Variants in RICTOR observed in about 807,000 individuals in gnomAD.
The protein encoded by RICTOR is RPTOR independent companion of MTOR complex 2, also known as rapamycin-insensitive companion of mTOR.
In RICTOR, 49 loss-of-function variants were observed where a neutral mutation model predicts 214.9. The observed-to-expected ratio is 0.23, with a 90% CI of 0.18 to 0.29. RICTOR has a LOEUF of 0.29. Ranked by LOEUF, RICTOR falls within the 10% of genes least tolerant of loss-of-function variation. The pLI, the probability that RICTOR is intolerant of heterozygous loss-of-function variation, is 1.00. For missense variants in RICTOR, 1,625 were observed against 2,047.0 expected (o/e 0.79, Z 3.98); for synonymous variants, 717 against 711.3 (o/e 1.01, Z -0.13).
At chr5:39,030,122 A>G (rs1310802303) in intron 2 of RICTOR, among the ~76,000 whole-genome samples, 1 of 152,160 alleles carries the variant, frequency 6.6e-6, no homozygotes, top group East Asian at 1.9e-4. Flanking sequence ...ACTAGAAATT[A>G]TGACCCTCTT....
rs1046542840 is a variant in RICTOR at position 38,939,190 on chromosome 5, C to T, written c.*3114G>A. 2.6e-5 allele frequency: 6 copies of T among 232,744 alleles called. No individual in the cohort carries two copies. The highest frequency in any genetic ancestry group is 1.3e-4 in the African/African-American group (6 of 45,254). 14.4% of individuals were successfully genotyped at this position (232,744 alleles called of 1,614,324 possible). Reference sequence around the variant, plus strand: ...ATGGAATAACATTTTATATAAATAGCAGTAGGAAAATGTAAATAAGCATTG... The same window carrying T: ...ATGGAATAACATTTTATATAAATAGTAGTAGGAAAATGTAAATAAGCATTG... On this transcript the variant is annotated 3_prime_UTR_variant, in exon 38 of 38. Coordinates refer to ENST00000357387, the MANE Select transcript of RICTOR (RefSeq NM_152756.5).
At chr5:38,967,020 C>T (rs1030138734) in intron 14 of RICTOR, 141 bp downstream of exon 14, 32 of 716,000 alleles carry the variant, frequency 4.5e-5, no homozygotes, top group Non-Finnish European at 7.2e-5. Flanking sequence ...AGGCTGGTCT[C>T]GAACTCCTGG....
At chr5:39,005,009 G>A (rs528769400) in intron 3 of RICTOR, among the ~76,000 whole-genome samples, 10 of 152,206 alleles carry the variant, frequency 6.6e-5, no homozygotes, top group East Asian at 5.8e-4. Context: ...TCAAACTCCC[G>A]ACCTCAGGTG....
At chr5:39,032,215 T>C (rs1487751545) in intron 2 of RICTOR, among the ~76,000 whole-genome samples, 2 of 152,198 alleles carry the variant, frequency 1.3e-5, no homozygotes, top group Non-Finnish European at 2.9e-5. Flanking sequence ...GTAATTTTTG[T>C]CTATTTGTTC....
intron 27 of RICTOR, 123 bp downstream of exon 27, chr5:38,954,651 C>A: frequency 1.6e-6 from 1 of 620,756 alleles, no homozygotes; most frequent in Non-Finnish European, 2.9e-6. Context: ...AATTTAAAAG[C>A]AATTACACCA....
chr5:39,004,233 T>C (rs1180489248), intron 3 of RICTOR, among the ~76,000 whole-genome samples: 1 of 152,162 alleles, frequency 6.6e-6, no homozygotes, highest in African/African-American at 2.4e-5. Flanking sequence ...GTTAGTGTTT[T>C]AATTTTAGAC....
chr5:38,996,215 T>C (rs76238086), intron 6 of RICTOR, among the ~76,000 whole-genome samples: 1 of 152,344 alleles, frequency 6.6e-6, no homozygotes, highest in Non-Finnish European at 1.5e-5. Flanking sequence ...CCCAACCATA[T>C]TTACTCTCAG....
chr5:38,955,563 A>G, intron 26 of RICTOR, 32 bp downstream of exon 26: 1 of 1,069,610 alleles, frequency 9.3e-7, no homozygotes, highest in Non-Finnish European at 1.4e-6. Flanking sequence ...TTTATGATGA[A>G]CTAGTTTTAA....
chr5:38,950,542 A>G lies in RICTOR; in HGVS notation c.3306T>C (p.Leu1102=). The G allele has an allele frequency of 1.2e-6, 2 of 1,613,278 alleles. No homozygotes were observed. The highest frequency in any genetic ancestry group is 8.5e-7 in the Non-Finnish European group (1 of 1,179,516). The change falls in exon 31 of 38, where the codon CTT becomes CTC. Residue 1102 remains leucine, a synonymous_variant. Transcript: ENST00000357387. ...TACGATGTTTTTTGTTAGGCAAAGT[A>G]AGCGAATTTAAGATACGATTCTTCA... ...KLVKNRILNS[L]TLPNKKHRSS...
chr5:39,016,077 A>C (rs577553906), intron 3 of RICTOR, among the ~76,000 whole-genome samples: 1 of 152,202 alleles, frequency 6.6e-6, no homozygotes, highest in Non-Finnish European at 1.5e-5. Context: ...GGGCGTACTC[A>C]CTCTTAGAAT....
chr5:39,018,121 T>C (rs1755103780), intron 3 of RICTOR, among the ~76,000 whole-genome samples: 2 of 152,116 alleles, frequency 1.3e-5, no homozygotes, highest in African/African-American at 4.8e-5. Flanking sequence ...AGCAGGCATT[T>C]TAGTGTTTGC....
In RICTOR at chr5:39,021,030, GTTAC is replaced by G; in HGVS notation, c.195+5_195+8del. ...ATTTTAGACAATAATAAAAATTCAA[GTTAC>G]TTACCTTAGTAAAGTTATTCAGATG... On this transcript the variant is annotated splice_donor_5th_base_variant and intron_variant, in intron 3 of 37. Coordinates refer to ENST00000357387, the MANE Select transcript of RICTOR (RefSeq NM_152756.5). 7.5e-7 allele frequency: 1 copy of G among 1,329,286 alleles called. No individual in the cohort carries two copies. Among genetic ancestry groups the G allele is most frequent in the South Asian group, 1.2e-5 (1 of 85,358 alleles). The allele number at this position is 1,329,286 out of a possible 1,614,324, so 82.3% of individuals were successfully genotyped here.
intron 34 of RICTOR, 41 bp from the exon 35 acceptor site, chr5:38,945,109 G>A (rs75476190): frequency 8.6e-6 from 12 of 1,391,488 alleles, no homozygotes; most frequent in Admixed American, 1.9e-5. Context: ...GCACCATAAC[G>A]GCTTAATTCC....
At chr5:39,062,442 G>A (rs1320655953) in intron 2 of RICTOR, among the ~76,000 whole-genome samples, 1 of 151,892 alleles carries the variant, frequency 6.6e-6, no homozygotes, top group Non-Finnish European at 1.5e-5. Flanking sequence ...TGAGGGAGGG[G>A]AGTGGTGGTG....
At chr5:38,964,046 T>C (rs1437643639) in intron 16 of RICTOR, among the ~76,000 whole-genome samples, 4 of 151,938 alleles carry the variant, frequency 2.6e-5, no homozygotes, top group South Asian at 4.1e-4. Context: ...CAAAAATACA[T>C]AGTTTTGAAT....
intron 2 of RICTOR, among the ~76,000 whole-genome samples, chr5:39,060,180 A>C (rs1758448328): frequency 6.6e-6 from 1 of 152,124 alleles, no homozygotes; most frequent in South Asian, 2.1e-4. Flanking sequence ...ACCTACTCTG[A>C]ACTATGCTAT....
At chr5:39,051,062 C>A (rs1056362233) in intron 2 of RICTOR, among the ~76,000 whole-genome samples, 1 of 151,456 alleles carries the variant, frequency 6.6e-6, no homozygotes, top group Non-Finnish European at 1.5e-5. Context: ...CACACACACA[C>A]ACGCACCTAC....
chr5:39,015,106 A>G (rs1341443829), intron 3 of RICTOR, among the ~76,000 whole-genome samples: 1 of 152,172 alleles, frequency 6.6e-6, no homozygotes, highest in Non-Finnish European at 1.5e-5. Flanking sequence ...AGCAACCCAC[A>G]ATAAATAATA....
At chr5:39,039,765 A>G (rs1482896229) in intron 2 of RICTOR, among the ~76,000 whole-genome samples, 2 of 152,348 alleles carry the variant, frequency 1.3e-5, no homozygotes, top group Middle Eastern at 3.4e-3. Context: ...AACCACAATG[A>G]GATACCATCT....
Sources: allele counts gnomAD v4.1 joint callset (sites outside exome capture counted in the v4.1 genomes callset), GRCh38; gene constraint gnomAD v4.1.1; transcripts MANE v1.5; gene names NCBI Gene and HGNC (gene_info 2026-07-23, HGNC 2026-07-21).